The following TOPBP1 variants were observed in gnomAD, a reference collection of about 807,000 sequenced individuals.
TOPBP1 encodes DNA topoisomerase II binding protein 1.
In TOPBP1, 28 loss-of-function variants were observed where a neutral mutation model predicts 167.7. The ratio of observed to expected loss-of-function variants is 0.17; its 90% CI spans 0.12 to 0.23. TOPBP1 has a LOEUF of 0.23. TOPBP1 is among the 10% of genes least tolerant of loss of function. The probability of loss-of-function intolerance (pLI) is 1.00; values close to 1 mark genes in which losing one functional copy is unlikely to be tolerated. For missense variants in TOPBP1, 1,554 were observed against 1,809.6 expected, an observed-to-expected ratio of 0.86 and a Z score of 2.56; for synonymous variants, 598 against 611.4, an observed-to-expected ratio of 0.98 and a Z score of 0.32.
chr3:133,603,843 A>T (rs138973031), intron 27 of TOPBP1, among the ~76,000 whole-genome samples: 34 of 152,118 alleles, frequency 2.2e-4, no homozygotes, highest in Admixed American at 2.2e-3. Flanking sequence ...AACCTATTTG[A>T]TATTTTTAGA....
intron 27 of TOPBP1, among the ~76,000 whole-genome samples, chr3:133,601,743 A>G (rs1341471999): frequency 6.6e-6 from 1 of 152,226 alleles, no homozygotes; most frequent in Non-Finnish European, 1.5e-5. Context: ...GCCAAATTTC[A>G]TAACTGATCT....
intron 8 of TOPBP1, among the ~76,000 whole-genome samples, chr3:133,652,235 T>G (rs941887821): frequency 2.0e-5 from 3 of 152,134 alleles, no homozygotes; most frequent in African/African-American, 7.2e-5. Flanking sequence ...AGAGAAGAGT[T>G]AAAACCTGAA....
intron 5 of TOPBP1, among the ~76,000 whole-genome samples, chr3:133,656,090 G>C (rs1350911976): frequency 6.6e-6 from 1 of 150,912 alleles, no homozygotes; most frequent in Non-Finnish European, 1.5e-5. Flanking sequence ...TTATCTAGTT[G>C]CAGGGGAAAC....
intron 12 of TOPBP1, among the ~76,000 whole-genome samples, chr3:133,642,964 TGG>T (rs1232257762): frequency 1.3e-5 from 2 of 152,186 alleles, no homozygotes; most frequent in East Asian, 3.9e-4. Flanking sequence ...TTCATGTGTT[TGG>T]ACCCACTGCA....
At chr3:133,624,977 C>CT (rs1461485519) in intron 16 of TOPBP1, among the ~76,000 whole-genome samples, 1 of 152,072 alleles carries the variant, frequency 6.6e-6, no homozygotes, top group Non-Finnish European at 1.5e-5. Flanking sequence ...AATATTCTCT[C>CT]TTTTTTTGAG....
At chr3:133,650,427 C>G (rs750821597) in intron 8 of TOPBP1, among the ~76,000 whole-genome samples, 17 of 151,932 alleles carry the variant, frequency 1.1e-4, no homozygotes, top group Admixed American at 2.0e-4. Context: ...AGGCAAGTTG[C>G]TTACGCTCTT....
At chr3:133,609,223 T>A (rs990337512) in intron 25 of TOPBP1, among the ~76,000 whole-genome samples, 2 of 152,186 alleles carry the variant, frequency 1.3e-5, no homozygotes, top group African/African-American at 4.8e-5. Context: ...TGATTGATGT[T>A]TAGTCTTTTC....
At position 133,600,829 on chromosome 3, in the gene TOPBP1, G is replaced by T. The variant is rs1388141077; in HGVS notation, c.*421C>A. On this transcript the variant is annotated 3_prime_UTR_variant, in exon 28 of 28. Coordinates refer to ENST00000260810, the MANE Select transcript of TOPBP1 (RefSeq NM_007027.4). ...CCTGTTAAAAGAGGTAAAATGGTGA[G>T]AAGATAAAAATCAGGGAAAACATGA... 1.8e-5 allele frequency: 3 copies of T among 164,594 alleles called. No individual in the cohort carries two copies. The highest frequency in any genetic ancestry group is 3.9e-5 in the Non-Finnish European group (3 of 76,976). 10.2% of individuals were successfully genotyped at this position (164,594 alleles called of 1,614,324 possible). A position where few individuals can be genotyped will look rare whatever the true frequency, so the allele number is the denominator to read the frequency against.
chr3:133,631,903 G>T (rs948032985), intron 14 of TOPBP1, among the ~76,000 whole-genome samples: 14 of 151,922 alleles, frequency 9.2e-5, no homozygotes, highest in African/African-American at 3.1e-4. Flanking sequence ...CTCCCAAAGT[G>T]CTGGGATTAC....
At chr3:133,656,279 T>C (rs1322943150) in intron 5 of TOPBP1, among the ~76,000 whole-genome samples, 2 of 152,126 alleles carry the variant, frequency 1.3e-5, no homozygotes, top group African/African-American at 4.8e-5. Flanking sequence ...CAACCTTACA[T>C]ATGCCATCTT....
chr3:133,604,152 T>A (rs979027851), intron 27 of TOPBP1, among the ~76,000 whole-genome samples: 15 of 147,892 alleles, frequency 1.0e-4, no homozygotes, highest in Admixed American at 6.7e-4. Flanking sequence ...TTATTTATTT[T>A]GAAACGGAGT....
intron 14 of TOPBP1, among the ~76,000 whole-genome samples, chr3:133,633,183 G>C (rs1935548456): frequency 6.6e-6 from 1 of 152,048 alleles, no homozygotes; most frequent in Admixed American, 6.6e-5. Context: ...AAAAATCGTT[G>C]TTTACACTCA....
At chr3:133,651,460 G>C (rs1355159193) in intron 8 of TOPBP1, among the ~76,000 whole-genome samples, 4 of 152,034 alleles carry the variant, frequency 2.6e-5, no homozygotes, top group African/African-American at 7.2e-5. Flanking sequence ...AAAGTGCTGG[G>C]ATTACAGGCA....
intron 10 of TOPBP1, among the ~76,000 whole-genome samples, chr3:133,644,985 C>T (rs1369809318): frequency 6.6e-6 from 1 of 152,122 alleles, no homozygotes; most frequent in East Asian, 1.9e-4. Flanking sequence ...TCAGTACATC[C>T]CTTTTGTACA....
chr3:133,642,442 C>T (rs1181056761), intron 12 of TOPBP1, among the ~76,000 whole-genome samples: 2 of 152,180 alleles, frequency 1.3e-5, no homozygotes, highest in African/African-American at 2.4e-5. Context: ...TCATTGAAGA[C>T]ACTGGATCAT....
intron 24 of TOPBP1, among the ~76,000 whole-genome samples, chr3:133,611,426 T>G (rs1039177653): frequency 1.2e-4 from 18 of 152,226 alleles, no homozygotes; most frequent in African/African-American, 4.3e-4. Context: ...ACTGGTAATA[T>G]TCAGATGGAC....
In TOPBP1 at chr3:133,611,034, G is replaced by C. The variant is rs761588540; in HGVS notation, c.4143C>G (p.Ile1381Met). Reference protein sequence around the residue: ...ALAAMRWRKKIQQRQESGIVE... With the variant: ...ALAAMRWRKKMQQRQESGIVE... The stretch of plus-strand genomic sequence containing the variant: ...CAATGCCAGATTCTTGTCTTTGCTG[G>C]ATTTTTTTTCTCCATCTCATTGCTG... The change falls in exon 25 of 28, where the codon ATC (isoleucine) becomes ATG (methionine). Residue 1381 changes from isoleucine to methionine, a missense_variant. Ile to Met is a conservative substitution (Grantham distance 10). Transcript: ENST00000260810. 6.2e-7 allele frequency: 1 copy of C among 1,612,570 alleles called. No homozygotes were observed. Among genetic ancestry groups the C allele is most frequent in the Admixed American group, 1.7e-5 (1 of 59,964 alleles).
In TOPBP1 at chr3:133,600,997, A is replaced by G. The variant is rs958163232; in HGVS notation, c.*253T>C. On this transcript the variant is annotated 3_prime_UTR_variant, in exon 28 of 28. Transcript: ENST00000260810. ...AATAAATATCTTTTAACAGACTTCAATGTGGTTTAACAGCAAGCTAGCTGA... is the reference window on the plus strand; with the variant it reads ...AATAAATATCTTTTAACAGACTTCAGTGTGGTTTAACAGCAAGCTAGCTGA... The G allele has an allele frequency of 3.8e-6, 1 of 264,466 alleles. No homozygotes were observed. The highest frequency in any genetic ancestry group is 2.3e-5 in the African/African-American group (1 of 44,252). The allele number at this position is 264,466 out of a possible 1,614,324, so 16.4% of individuals were successfully genotyped here. A position where few individuals can be genotyped will look rare whatever the true frequency, so the allele number is the denominator to read the frequency against.
At chr3:133,643,496 G>A (rs932125006) in intron 11 of TOPBP1, 124 bp from the exon 12 acceptor site, 13 of 703,006 alleles carry the variant, frequency 1.8e-5, no homozygotes, top group Admixed American at 1.8e-4. Context: ...ATACAAACTT[G>A]TGTATGCTCA....
Sources: gnomAD v4.1 joint callset for allele counts (sites outside exome capture counted in the v4.1 genomes callset) on GRCh38, gnomAD v4.1.1 for gene constraint, MANE v1.5 for transcripts, NCBI Gene and HGNC (gene_info 2026-07-23, HGNC 2026-07-21) for gene names.